Variants in ICA1 observed in about 807,000 individuals in gnomAD.
ICA1 encodes the protein islet cell autoantigen 1.
ICA1 carries 40 observed loss-of-function variants against 71.0 expected under a neutral mutation model. The ratio of observed to expected loss-of-function variants is 0.56; its 90% confidence interval spans 0.44 to 0.73. The LOEUF is 0.73. ICA1 is among the 30% of genes least tolerant of loss of function. The pLI is 0.00. For synonymous variants in ICA1, 207 were observed against 209.5 expected (o/e 0.99, Z 0.10); for missense variants, 578 against 576.5 (o/e 1.00, Z -0.03).
chr7:8,193,168 A>C (rs1786281767), intron 6 of ICA1, among the ~76,000 whole-genome samples: 1 of 152,208 alleles, frequency 6.6e-6, no homozygotes, highest in Non-Finnish European at 1.5e-5. Context: ...GCATATCCAC[A>C]AGTACTCTCA....
At chr7:8,152,025 T>C (rs1798974294) in intron 8 of ICA1, among the ~76,000 whole-genome samples, 1 of 152,202 alleles carries the variant, frequency 6.6e-6, no homozygotes. Context: ...TTAGCCCTGT[T>C]GCAGAGATGG....
chr7:8,127,831 T>A (rs1401504837), intron 13 of ICA1, 42 bp downstream of exon 13: 2 of 1,538,832 alleles, frequency 1.3e-6, no homozygotes, highest in Non-Finnish European at 1.8e-6. Flanking sequence ...ACAAAAAGAA[T>A]GAACAAACAA....
chr7:8,181,435 C>A (rs1197856478), intron 6 of ICA1, among the ~76,000 whole-genome samples: 1 of 152,066 alleles, frequency 6.6e-6, no homozygotes. Context: ...TTTGTTCTTA[C>A]TTTTAAAGAT....
intron 1 of ICA1, among the ~76,000 whole-genome samples, chr7:8,257,879 C>T (rs1021513549): frequency 1.3e-5 from 2 of 152,194 alleles, no homozygotes; most frequent in Non-Finnish European, 2.9e-5. Context: ...CACATAGACA[C>T]TGGGCTCCAG....
At chr7:8,142,700 C>T (rs545480814) in intron 9 of ICA1, among the ~76,000 whole-genome samples, 1 of 152,326 alleles carries the variant, frequency 6.6e-6, no homozygotes, top group Admixed American at 6.5e-5. Context: ...CTTGACGTCA[C>T]TGAAGGTTGT....
At chr7:8,206,915 G>T (rs111661505) in intron 6 of ICA1, among the ~76,000 whole-genome samples, 2 of 152,138 alleles carry the variant, frequency 1.3e-5, no homozygotes, top group East Asian at 3.9e-4. Context: ...AAGTCCGTTC[G>T]CCTGAACCTC....
chr7:8,232,976 T>C (rs1251861349), intron 2 of ICA1, among the ~76,000 whole-genome samples: 1 of 152,202 alleles, frequency 6.6e-6, no homozygotes, highest in Non-Finnish European at 1.5e-5. Flanking sequence ...TTTAGAATCT[T>C]TTGCAGGAAA....
intron 3 of ICA1, among the ~76,000 whole-genome samples, chr7:8,230,700 A>T (rs531708304): frequency 1.3e-5 from 2 of 152,362 alleles, no homozygotes; most frequent in East Asian, 3.9e-4. Flanking sequence ...TATAAAAAGC[A>T]TATATGCTTA....
At chr7:8,171,662 T>G (rs1018851140) in intron 6 of ICA1, among the ~76,000 whole-genome samples, 13 of 151,574 alleles carry the variant, frequency 8.6e-5, no homozygotes, top group African/African-American at 3.1e-4. Flanking sequence ...TACTTAGGTT[T>G]AATTTGTTCT....
At chr7:8,206,535 A>G (rs7810392) in intron 6 of ICA1, among the ~76,000 whole-genome samples, 3 of 152,076 alleles carry the variant, frequency 2.0e-5, no homozygotes, top group African/African-American at 7.2e-5. Context: ...TTGATTCTCA[A>G]TATTTTTAAT....
intron 1 of ICA1, among the ~76,000 whole-genome samples, chr7:8,237,170 C>T (rs559914490): frequency 6.6e-6 from 1 of 152,060 alleles, no homozygotes; most frequent in Non-Finnish European, 1.5e-5. Context: ...GGAGAGCATC[C>T]AAATATCTGG....
intron 6 of ICA1, among the ~76,000 whole-genome samples, chr7:8,202,493 A>G (rs1024920378): frequency 6.6e-6 from 1 of 152,202 alleles, no homozygotes; most frequent in Non-Finnish European, 1.5e-5. Context: ...TTCAATGTCA[A>G]AGTTTCTTTT....
chr7:8,127,757 T>C (rs1179826083), intron 13 of ICA1, 116 bp downstream of exon 13: 2 of 1,157,370 alleles, frequency 1.7e-6, no homozygotes, highest in Non-Finnish European at 2.4e-6. Flanking sequence ...AGTTAAAAAG[T>C]CAATAAAAAT....
At chr7:8,118,053 A>C (rs1286832108) in intron 13 of ICA1, among the ~76,000 whole-genome samples, 1 of 152,232 alleles carries the variant, frequency 6.6e-6, no homozygotes, top group Non-Finnish European at 1.5e-5. Context: ...CTATTGCATT[A>C]ACATAAACAG....
chr7:8,231,143 A>C (rs1257691337), intron 3 of ICA1, among the ~76,000 whole-genome samples: 1 of 152,158 alleles, frequency 6.6e-6, no homozygotes, highest in Admixed American at 6.5e-5. Flanking sequence ...TTTAGGCTGA[A>C]ACCTGAACTA....
chr7:8,216,549 C>T (rs1795443560), intron 6 of ICA1, among the ~76,000 whole-genome samples: 1 of 146,250 alleles, frequency 6.8e-6, no homozygotes, highest in African/African-American at 2.6e-5. Flanking sequence ...TTTATTTCGT[C>T]CTTACAGTTA....
Position 8,144,204 on chromosome 7 carries a change from T to C in ICA1, c.805-232A>G, listed in dbSNP as rs571286265. 1.3e-5 allele frequency among the ~76,000 whole-genome samples: 2 copies of C among 152,314 alleles called. No individual in the cohort carries two copies. Among genetic ancestry groups the C allele is most frequent in the Admixed American group, 6.5e-5 (1 of 15,300 alleles). The stretch of plus-strand genomic sequence containing the variant: ...GACACATCCGAGAAATACTAGCATA[T>C]ATAGCAGAGCTGATTTGCCACAAGA... On this transcript the variant is annotated intron_variant, in intron 8 of 13. Transcript: ENST00000402384. This position sits in a 1 kb window ranked among gnomAD's most constrained non-coding sequence, Gnocchi z 4.5.
intron 6 of ICA1, among the ~76,000 whole-genome samples, chr7:8,212,723 C>T (rs1410752004): frequency 6.6e-6 from 1 of 152,206 alleles, no homozygotes; most frequent in East Asian, 1.9e-4. Flanking sequence ...TAGCACCATC[C>T]TGACTCTGAG....
intron 12 of ICA1, among the ~76,000 whole-genome samples, chr7:8,136,037 A>G (rs1268803052): frequency 1.3e-5 from 2 of 152,188 alleles, no homozygotes; most frequent in African/African-American, 2.4e-5. Context: ...GTGTCTCAAA[A>G]TGTCACTAAC....
Sources: gnomAD v4.1 joint callset for allele counts (sites outside exome capture counted in the v4.1 genomes callset) on GRCh38, gnomAD v4.1.1 for gene constraint, Gnocchi (gnomAD v3.1) non-coding constraint, MANE v1.5 for transcripts, NCBI Gene and HGNC (gene_info 2026-07-23, HGNC 2026-07-21) for gene names.